Variants in GPAT4 observed in about 807,000 individuals in gnomAD.
GPAT4 encodes the protein 1-AGP acyltransferase 6.
In GPAT4, 17 loss-of-function variants were observed where a neutral mutation model predicts 58.0. The observed-to-expected ratio is 0.29, with a 90% CI of 0.20 to 0.44. The LOEUF is 0.44. Among genes scored for constraint, GPAT4 ranks in the 20% least tolerant of loss-of-function variants. The probability of loss-of-function intolerance (pLI) is 1.00; values close to 1 mark genes in which losing one functional copy is unlikely to be tolerated. For synonymous variants in GPAT4, 204 were observed against 210.1 expected (o/e 0.97, Z 0.25); for missense variants, 377 against 574.5 (o/e 0.66, Z 3.51).
intron 1 of GPAT4, among the ~76,000 whole-genome samples, chr8:41,586,675 G>A (rs1399967454): frequency 1.3e-5 from 2 of 152,268 alleles, no homozygotes; most frequent in Admixed American, 1.3e-4. Context: ...GCTTCCACCA[G>A]CTTTCATGCC....
intron 5 of GPAT4, among the ~76,000 whole-genome samples, chr8:41,611,637 C>T (rs140925159): frequency 6.7e-4 from 102 of 152,282 alleles, no homozygotes; most frequent in African/African-American, 2.1e-3. Flanking sequence ...GAGTTCAGCC[C>T]GCCTGTGGTC....
intron 1 of GPAT4, among the ~76,000 whole-genome samples, chr8:41,579,552 G>A (rs1382792658): frequency 1.3e-5 from 2 of 151,960 alleles, no homozygotes; most frequent in Non-Finnish European, 2.9e-5. Flanking sequence ...AAAAGAAAAA[G>A]TATGGCCGGG....
At chr8:41,601,001 A>C (rs937749693) in intron 2 of GPAT4, among the ~76,000 whole-genome samples, 1 of 152,130 alleles carries the variant, frequency 6.6e-6, no homozygotes, top group African/African-American at 2.4e-5. Flanking sequence ...TAATTTGGTC[A>C]TCCTTTCATC....
chr8:41,603,525 C>CAA (rs35302781), intron 2 of GPAT4, among the ~76,000 whole-genome samples: 10 of 85,276 alleles, frequency 1.2e-4, no homozygotes, highest in South Asian at 4.3e-4. Context: ...GACTCCGTCT[C>CAA]AAAAAAAAAA....
rs368558123 is a variant in GPAT4 at position 41,599,106 on chromosome 8, G to A, written c.-34G>A. The stretch of plus-strand genomic sequence containing the variant: ...CTGAAGGCTGCAATTTGTTCTTAGG[G>A]AGGCAGGTGCTGGCCTGGCCTGGAT... On this transcript the variant is annotated 5_prime_UTR_variant, in exon 2 of 13. Coordinates refer to ENST00000396987, the MANE Select transcript of GPAT4 (RefSeq NM_178819.4). The A allele has an allele frequency of 3.2e-6, 5 of 1,581,032 alleles. No homozygotes were observed. In the African/African-American group the frequency reaches 4.1e-5, roughly 13 times the overall value.
At position 41,623,154 on chromosome 8, in the gene GPAT4, G is replaced by C. The variant is rs554190458; in HGVS notation, c.*2153G>C. ...AGTGCTGTGGAGGGAAGTCCTGTGCGGGCCGGGCAGTGAGGAGAGCACTGA... is the reference window on the plus strand; with the variant it reads ...AGTGCTGTGGAGGGAAGTCCTGTGCCGGCCGGGCAGTGAGGAGAGCACTGA... On this transcript the variant is annotated 3_prime_UTR_variant, in exon 13 of 13. Coordinates refer to ENST00000396987, the MANE Select transcript of GPAT4 (RefSeq NM_178819.4). 6.6e-6 allele frequency: 1 copy of C among 152,240 alleles called. No homozygotes were observed. The highest frequency in any genetic ancestry group is 2.4e-5 in the African/African-American group (1 of 41,430). The allele number at this position is 152,240 out of a possible 1,614,324, so 9.4% of individuals were successfully genotyped here. A position where few individuals can be genotyped will look rare whatever the true frequency, so the allele number is the denominator to read the frequency against.
chr8:41,603,158 A>G (rs1050335848), intron 2 of GPAT4, among the ~76,000 whole-genome samples: 1 of 152,180 alleles, frequency 6.6e-6, no homozygotes, highest in African/African-American at 2.4e-5. Flanking sequence ...GCCGGAAGAA[A>G]GTTCAGAGAT....
intron 8 of GPAT4, among the ~76,000 whole-genome samples, 194 bp from the exon 9 acceptor site, chr8:41,614,192 G>A (rs1683614445): frequency 6.6e-6 from 1 of 152,178 alleles, no homozygotes; most frequent in African/African-American, 2.4e-5. Context: ...GAATTAAATG[G>A]TAACCTGATT....
At chr8:41,602,262 G>A (rs544156735) in intron 2 of GPAT4, among the ~76,000 whole-genome samples, 1 of 152,258 alleles carries the variant, frequency 6.6e-6, no homozygotes, top group East Asian at 1.9e-4. Flanking sequence ...CTGGCCTGGG[G>A]CACAGTGATT....
chr8:41,617,805 G>A (rs1313409237), intron 10 of GPAT4, among the ~76,000 whole-genome samples: 3 of 152,184 alleles, frequency 2.0e-5, no homozygotes, highest in Non-Finnish European at 4.4e-5. Context: ...GTTTGCACAA[G>A]GTCAGCCTAC....
At chr8:41,615,204 C>T (rs554539370) in intron 10 of GPAT4, among the ~76,000 whole-genome samples, 156 bp downstream of exon 10, 152 of 152,184 alleles carry the variant, frequency 1.0e-3, no homozygotes, top group African/African-American at 3.3e-3. Context: ...CAAGTGCTGC[C>T]GGAGGAGGAT....
intron 10 of GPAT4, 43 bp from the exon 11 acceptor site, chr8:41,618,641 G>A (rs1803662040): frequency 3.7e-6 from 6 of 1,609,996 alleles, no homozygotes; most frequent in Non-Finnish European, 5.1e-6. Flanking sequence ...CAAACGTTGT[G>A]AGAACTACTC....
chr8:41,605,168 T>A (rs541108051), intron 2 of GPAT4, among the ~76,000 whole-genome samples: 1 of 152,360 alleles, frequency 6.6e-6, no homozygotes, highest in Non-Finnish European at 1.5e-5. Context: ...TAGAAGGCAC[T>A]CTCTCAGACT....
chr8:41,618,891 C>G lies in GPAT4; in HGVS notation c.1183-7C>G, dbSNP rs1391303675. 6.2e-7 allele frequency: 1 copy of G among 1,614,210 alleles called. No individual in the cohort carries two copies. Among genetic ancestry groups the G allele is most frequent in the Middle Eastern group, 1.6e-4 (1 of 6,062 alleles). On this transcript the variant is annotated splice_polypyrimidine_tract_variant and splice_region_variant and intron_variant, in intron 11 of 12. Transcript: ENST00000396987. ...GGCTGAGTGGTCTCATTTGTTCTTT[C>G]TTACAGGCAGATGAAGATGCTGTCC...
chr8:41,612,767 G>A, intron 7 of GPAT4, 78 bp from the exon 8 acceptor site: 1 of 1,285,436 alleles, frequency 7.8e-7, no homozygotes, highest in Non-Finnish European at 1.1e-6. Flanking sequence ...CTTATTTTGT[G>A]AGATGTGGTT....
At chr8:41,581,952 A>G (rs1226537429) in intron 1 of GPAT4, among the ~76,000 whole-genome samples, 3 of 149,126 alleles carry the variant, frequency 2.0e-5, no homozygotes, top group African/African-American at 7.4e-5. Context: ...GAATTAAAAA[A>G]AAAAAATGAT....
At chr8:41,615,760 G>C (rs1023974844) in intron 10 of GPAT4, among the ~76,000 whole-genome samples, 1 of 152,234 alleles carries the variant, frequency 6.6e-6, no homozygotes, top group African/African-American at 2.4e-5. Flanking sequence ...GCTGCAGCCT[G>C]AGAGCTCGAT....
At chr8:41,602,235 G>A (rs1165173364) in intron 2 of GPAT4, among the ~76,000 whole-genome samples, 1 of 152,226 alleles carries the variant, frequency 6.6e-6, no homozygotes, top group Non-Finnish European at 1.5e-5. Context: ...TGGGATTACA[G>A]GCGTGAGCCA....
chr8:41,608,502 T>C (rs566933845), intron 2 of GPAT4, among the ~76,000 whole-genome samples: 1 of 152,334 alleles, frequency 6.6e-6, no homozygotes, highest in East Asian at 1.9e-4. Context: ...TCTCATTTGA[T>C]AGTGGGAGAG....
Sources: gnomAD v4.1 joint callset for allele counts (sites outside exome capture counted in the v4.1 genomes callset) on GRCh38, gnomAD v4.1.1 for gene constraint, MANE v1.5 for transcripts, NCBI Gene and HGNC (gene_info 2026-07-23, HGNC 2026-07-21) for gene names.